Variants in RSBN1 observed in about 807,000 individuals in gnomAD.
The protein encoded by RSBN1 is lysine-specific demethylase 9.
In RSBN1, 23 loss-of-function variants were observed where a neutral mutation model predicts 74.8. The observed-to-expected ratio is 0.31, with a 90% CI of 0.22 to 0.44. The LOEUF (loss-of-function observed/expected upper bound fraction) is 0.44, where lower values mean the gene tolerates loss of function less well. RSBN1 is among the 20% of genes least tolerant of loss of function. RSBN1 has a pLI of 1.00. For missense variants in RSBN1, 808 were observed against 1,020.9 expected, an observed-to-expected ratio of 0.79 and a Z score of 2.84; for synonymous variants, 407 against 379.6, an observed-to-expected ratio of 1.07 and a Z score of -0.84.
intron 4 of RSBN1, among the ~76,000 whole-genome samples, chr1:113,771,610 C>CAA (rs1272041324): frequency 2.2e-5 from 2 of 92,460 alleles, no homozygotes; most frequent in Non-Finnish European, 2.3e-5. Context: ...AATGTCCTCT[C>CAA]AAAAAAAAAA....
chr1:113,810,711 C>A (rs1660819223), intron 1 of RSBN1, among the ~76,000 whole-genome samples: 1 of 152,162 alleles, frequency 6.6e-6, no homozygotes, highest in Admixed American at 6.6e-5. Flanking sequence ...GTCTCATTAA[C>A]ATGTAATAAC....
At chr1:113,804,055 G>A (rs1329477538) in intron 1 of RSBN1, among the ~76,000 whole-genome samples, 1 of 151,902 alleles carries the variant, frequency 6.6e-6, no homozygotes, top group Non-Finnish European at 1.5e-5. Flanking sequence ...CTTGAGCCCA[G>A]GAGTTCGAGG....
chr1:113,782,287 G>A (rs753876682), intron 2 of RSBN1, among the ~76,000 whole-genome samples: 3 of 152,072 alleles, frequency 2.0e-5, no homozygotes, highest in Non-Finnish European at 2.9e-5. Flanking sequence ...ACAGATTTTA[G>A]GTAAGTTAGA....
intron 4 of RSBN1, among the ~76,000 whole-genome samples, chr1:113,770,840 T>C (rs1659873291): frequency 6.6e-6 from 1 of 151,950 alleles, no homozygotes; most frequent in African/African-American, 2.4e-5. Context: ...GTCCAGTAAA[T>C]GTCTCCGAAT....
In RSBN1 at chr1:113,797,613, T is replaced by A. The variant is rs1437347834; in HGVS notation, c.1127A>T (p.Tyr376Phe). The A allele has an allele frequency of 6.2e-7, 1 of 1,613,882 alleles. No homozygotes were observed. Among genetic ancestry groups the A allele is most frequent in the Non-Finnish European group, 8.5e-7 (1 of 1,179,898 alleles). The change falls in exon 2 of 7, where the codon TAC (tyrosine) becomes TTC (phenylalanine). Residue 376 changes from tyrosine (Y) to phenylalanine (F), a missense_variant. Coordinates refer to ENST00000261441, the MANE Select transcript of RSBN1 (RefSeq NM_018364.5). ...AGACAAAAATGAGAGTTCATCCATG[T>A]AAGCATGAAGGACAAGAGCACCACC... ...SNGGALVLHA[Y>F]MDELSFLSPM...
chr1:113,789,863 A>T (rs2101810849), intron 2 of RSBN1, among the ~76,000 whole-genome samples: 2 of 152,356 alleles, frequency 1.3e-5, no homozygotes, highest in South Asian at 4.1e-4. Flanking sequence ...TAATGGTTAA[A>T]ATTAATGTAG....
At chr1:113,766,593 G>GT in intron 6 of RSBN1, 140 bp from the exon 7 acceptor site, 1 of 604,310 alleles carries the variant, frequency 1.7e-6, no homozygotes, top group East Asian at 2.8e-5. Flanking sequence ...TAAATGATAG[G>GT]TAACTCTCTA....
At chr1:113,788,321 C>A (rs1557999769) in intron 2 of RSBN1, among the ~76,000 whole-genome samples, 2 of 151,870 alleles carry the variant, frequency 1.3e-5, no homozygotes, top group Non-Finnish European at 2.9e-5. Context: ...GAAAAAACTC[C>A]ATAAAGGATG....
intron 2 of RSBN1, 36 bp downstream of exon 2, chr1:113,797,327 G>C (rs766906297): frequency 8.3e-7 from 1 of 1,211,412 alleles, no homozygotes; most frequent in Non-Finnish European, 1.1e-6. Context: ...GTTTAGAATC[G>C]TATTTACTAA....
rs1378885344 is a variant in RSBN1, at chr1:113,763,528, C to G, written c.*2452G>C. ...ACAGCTTTGAAAGCAGTAAAAAACG[C>G]AAAACTTCTGCTTTTATACTCATCA... On this transcript the variant is annotated 3_prime_UTR_variant, in exon 7 of 7. Coordinates refer to ENST00000261441, the MANE Select transcript of RSBN1 (RefSeq NM_018364.5). 9 of 152,694 alleles carry G rather than the reference C, an allele frequency of 5.9e-5. No individual in the cohort carries two copies. The highest frequency in any genetic ancestry group is 2.2e-4 in the African/African-American group (9 of 41,426). 9.5% of individuals were successfully genotyped at this position (152,694 alleles called of 1,614,324 possible).
intron 1 of RSBN1, among the ~76,000 whole-genome samples, chr1:113,802,808 G>A (rs921873000): frequency 6.6e-6 from 1 of 151,892 alleles, no homozygotes; most frequent in African/African-American, 2.4e-5. Context: ...CAGCCAGAGT[G>A]GAATACTTGT....
chr1:113,797,596 A>G lies in RSBN1; in HGVS notation c.1144T>C (p.Phe382Leu). 1 of 1,613,222 alleles carries G rather than the reference A, an allele frequency of 6.2e-7. No homozygotes were observed. Among genetic ancestry groups the G allele is most frequent in the South Asian group, 1.1e-5 (1 of 90,994 alleles). ...VLHAYMDELS[F>L]LSPMEMERFS... ...CTCTCCATCTCCATTGGAGACAAAAATGAGAGTTCATCCATGTAAGCATGA... is the reference window on the plus strand; with the variant it reads ...CTCTCCATCTCCATTGGAGACAAAAGTGAGAGTTCATCCATGTAAGCATGA... Residue 382 changes from phenylalanine (F) to leucine (L), a missense_variant, in exon 2 of 7, where the codon TTT becomes CTT. By Grantham distance (22) the Phe-to-Leu change is conservative. Coordinates refer to ENST00000261441, the MANE Select transcript of RSBN1 (RefSeq NM_018364.5).
chr1:113,792,504 A>G (rs375341184), intron 2 of RSBN1, among the ~76,000 whole-genome samples: 1 of 152,334 alleles, frequency 6.6e-6, no homozygotes, highest in East Asian at 1.9e-4. Flanking sequence ...GGTGCTCAAG[A>G]CTAGCCTAGA....
intron 1 of RSBN1, among the ~76,000 whole-genome samples, chr1:113,801,028 G>A (rs966868173): frequency 2.0e-5 from 3 of 149,580 alleles, no homozygotes; most frequent in Non-Finnish European, 4.4e-5. Context: ...TGCCCAGGAT[G>A]GAGTGCAGTG....
intron 1 of RSBN1, among the ~76,000 whole-genome samples, chr1:113,810,874 T>C (rs915338680): frequency 6.6e-6 from 1 of 152,212 alleles, no homozygotes; most frequent in Non-Finnish European, 1.5e-5. Context: ...ATGCTACAGG[T>C]ACTTGGGAAC....
Position 113,811,993 on chromosome 1 carries a change from A to G in RSBN1, c.420T>C (p.Pro140=). 1.3e-6 allele frequency: 2 copies of G among 1,556,628 alleles called. No homozygotes were observed. Among genetic ancestry groups the G allele is most frequent in the Non-Finnish European group, 8.7e-7 (1 of 1,150,804 alleles). Residue 140 remains proline (P), a synonymous_variant, in exon 1 of 7, where the codon CCT becomes CCC. Coordinates refer to ENST00000261441, the MANE Select transcript of RSBN1 (RefSeq NM_018364.5). ...GTGGCGGCGGAGGCGGCAGGAGAAGAGGCTCAACAGGGCCTGGGACAGTTG... is the reference window on the plus strand; with the variant it reads ...GTGGCGGCGGAGGCGGCAGGAGAAGGGGCTCAACAGGGCCTGGGACAGTTG... The part of the protein sequence containing the change: ...AAPTVPGPVE[P]LLLPPPPPPS...
intron 4 of RSBN1, among the ~76,000 whole-genome samples, chr1:113,775,094 G>A (rs1161336992): frequency 2.0e-5 from 3 of 150,302 alleles, no homozygotes; most frequent in African/African-American, 7.4e-5. Flanking sequence ...GCACAATCTC[G>A]GCTCACTGCA....
intron 1 of RSBN1, among the ~76,000 whole-genome samples, chr1:113,803,688 TTAAGA>T (rs1434168897): frequency 3.9e-5 from 6 of 152,312 alleles, no homozygotes; most frequent in East Asian, 1.9e-4. Flanking sequence ...AGTGTACTAT[TTAAGA>T]TAAGAACAGG....
At chr1:113,793,492 T>C (rs1293556208) in intron 2 of RSBN1, among the ~76,000 whole-genome samples, 6 of 152,158 alleles carry the variant, frequency 3.9e-5, no homozygotes, top group Non-Finnish European at 7.4e-5. Context: ...TCTTTTCCCA[T>C]GTTCATCATA....
Sources: allele counts gnomAD v4.1 joint callset (sites outside exome capture counted in the v4.1 genomes callset), GRCh38; gene constraint gnomAD v4.1.1; transcripts MANE v1.5; gene names NCBI Gene and HGNC (gene_info 2026-07-23, HGNC 2026-07-21).